Variants in PPP2R2C observed in about 807,000 individuals in gnomAD.
PPP2R2C encodes protein phosphatase 2, regulatory subunit B, gamma.
PPP2R2C carries 10 observed loss-of-function variants against 45.3 expected under a neutral mutation model. That is an observed-to-expected ratio of 0.22 (90% CI 0.14 to 0.37). PPP2R2C has a LOEUF of 0.37. Among genes scored for constraint, PPP2R2C ranks in the 10% least tolerant of loss-of-function variants. The pLI, the probability that PPP2R2C is intolerant of heterozygous loss-of-function variation, is 1.00. For missense variants in PPP2R2C, 308 were observed against 619.7 expected (o/e 0.50, Z 5.34); for synonymous variants, 257 against 245.4 (o/e 1.05, Z -0.44).
At chr4:6,416,653 G>A (rs1023713166) in intron 1 of PPP2R2C, among the ~76,000 whole-genome samples, 1 of 152,296 alleles carries the variant, frequency 6.6e-6, no homozygotes, top group South Asian at 2.1e-4. Context: ...CAGCCACCCC[G>A]ATGCGCTGGC....
intron 2 of PPP2R2C, among the ~76,000 whole-genome samples, chr4:6,497,278 C>T (rs1722910599): frequency 6.6e-6 from 1 of 152,092 alleles, no homozygotes; most frequent in South Asian, 2.1e-4. Flanking sequence ...CGTGCCCTAC[C>T]AGATAGCAAG....
At chr4:6,420,805 A>T in intron 1 of PPP2R2C, 1 of 432,600 alleles carries the variant, frequency 2.3e-6, no homozygotes, top group Non-Finnish European at 3.1e-6. Context: ...CGGCACAGAT[A>T]AGTATTTGAC....
At position 6,332,255 on chromosome 4, in the gene PPP2R2C, T is replaced by C. The variant is rs1434556529; in HGVS notation, c.960+1307A>G. Among the ~76,000 whole-genome samples the C allele has an allele frequency of 2.0e-5, 3 of 152,186 alleles. No homozygotes were observed. Among genetic ancestry groups the C allele is most frequent in the Non-Finnish European group, 4.4e-5 (3 of 68,032 alleles). On this transcript the variant is annotated intron_variant, in intron 7 of 8. Transcript: ENST00000382599. The surrounding 1 kb of genome is among the most constrained non-coding windows in gnomAD (Gnocchi z 4.9). The stretch of plus-strand genomic sequence containing the variant: ...CCAGAGGGAGCCAGAGAGTTGCTCC[T>C]GCAGGCTTGAGCCGGGCTTATCCTG...
rs1733036554 is a variant in PPP2R2C, at chr4:6,337,143, TA to T, written c.791-3413del. Among the ~76,000 whole-genome samples, 13 of 86,496 alleles carry T rather than the reference TA, an allele frequency of 1.5e-4. 1 individual carries two copies. Among genetic ancestry groups the T allele is most frequent in the Admixed American group, 1.2e-3 (10 of 8,440 alleles). The allele number at this position is 86,496 out of a possible 152,430, so 56.7% of individuals were successfully genotyped here. A position where few individuals can be genotyped will look rare whatever the true frequency, so the allele number is the denominator to read the frequency against. On this transcript the variant is annotated intron_variant, in intron 6 of 8. Coordinates refer to ENST00000382599, the MANE Select transcript of PPP2R2C (RefSeq NM_020416.4). The stretch of plus-strand genomic sequence containing the variant: ...ATATATATATATATATATATATATA[TA>T]TATATATATATATATATTTGTAGTT...
intron 1 of PPP2R2C, among the ~76,000 whole-genome samples, chr4:6,392,655 G>A (rs1318109296): frequency 6.6e-6 from 1 of 152,204 alleles, no homozygotes; most frequent in East Asian, 1.9e-4. Flanking sequence ...CATGAGCTCA[G>A]AGCTCAGAGA....
chr4:6,524,213 T>C (rs1724121348), intron 2 of PPP2R2C, among the ~76,000 whole-genome samples: 1 of 152,186 alleles, frequency 6.6e-6, no homozygotes, highest in Non-Finnish European at 1.5e-5. Context: ...TGAGCCACTG[T>C]GCCCAGTCAG....
intron 1 of PPP2R2C, among the ~76,000 whole-genome samples, chr4:6,394,880 C>T (rs112974772): frequency 7.9e-5 from 12 of 152,346 alleles, no homozygotes; most frequent in African/African-American, 2.6e-4. Flanking sequence ...CATCAGCCCC[C>T]TTCCCAGGCC....
intron 2 of PPP2R2C, among the ~76,000 whole-genome samples, chr4:6,512,508 GAT>G: frequency 7.1e-5 from 8 of 113,410 alleles, no homozygotes; most frequent in Admixed American, 3.0e-4. Context: ...TGGTGGTGGT[GAT>G]GTTGGTGGTG....
Position 6,330,944 on chromosome 4 carries a change from G to A in PPP2R2C, c.961-1591C>T, listed in dbSNP as rs986269082. Among the ~76,000 whole-genome samples the A allele has an allele frequency of 6.6e-6, 1 of 152,008 alleles. No individual in the cohort carries two copies. The highest frequency in any genetic ancestry group is 6.5e-5 in the Admixed American group (1 of 15,270). On this transcript the variant is annotated intron_variant, in intron 7 of 8. Coordinates refer to ENST00000382599, the MANE Select transcript of PPP2R2C (RefSeq NM_020416.4). This position sits in a 1 kb window ranked among gnomAD's most constrained non-coding sequence, Gnocchi z 7.0. Reference sequence around the variant, plus strand: ...GGGCTGCAGCCCCACCAAGCTGAGGGTCACTGTGTTCCTGTCTGTCTGGGA... The same window carrying A: ...GGGCTGCAGCCCCACCAAGCTGAGGATCACTGTGTTCCTGTCTGTCTGGGA...
chr4:6,517,387 G>T (rs541467151), intron 2 of PPP2R2C, among the ~76,000 whole-genome samples: 1 of 152,206 alleles, frequency 6.6e-6, no homozygotes, highest in Non-Finnish European at 1.5e-5. Flanking sequence ...ATGTTACCTA[G>T]CCTATCTGAG....
In PPP2R2C at chr4:6,378,430, G is replaced by T; in HGVS notation, c.311C>A (p.Ala104Asp). The change falls in exon 3 of 9, where the codon GCC (alanine) becomes GAC (aspartate). Residue 104 changes from alanine to aspartate, a missense_variant. Coordinates refer to ENST00000382599, the MANE Select transcript of PPP2R2C (RefSeq NM_020416.4). This position sits in a 1 kb window ranked among gnomAD's most constrained non-coding sequence, Gnocchi z 5.2. ...KIKWLPQQNA[A>D]HSLLSTNDKT... Reference sequence around the variant, plus strand: ...ACCGTTGGTGGACAGGAGTGAGTGGGCGGCGTTCTGCTGTGGGAGCCACTT... The same window carrying T: ...ACCGTTGGTGGACAGGAGTGAGTGGTCGGCGTTCTGCTGTGGGAGCCACTT... The T allele has an allele frequency of 6.2e-7, 1 of 1,614,206 alleles. No individual in the cohort carries two copies. The highest frequency in any genetic ancestry group is 8.5e-7 in the Non-Finnish European group (1 of 1,180,044).
At chr4:6,522,989 G>A (rs1439914808) in intron 2 of PPP2R2C, among the ~76,000 whole-genome samples, 1 of 152,258 alleles carries the variant, frequency 6.6e-6, no homozygotes. Flanking sequence ...CAGCCTGGCA[G>A]GGGTGGACCG....
chr4:6,481,852 GC>G (rs1722363129), intron 2 of PPP2R2C, among the ~76,000 whole-genome samples: 1 of 151,920 alleles, frequency 6.6e-6, no homozygotes, highest in Non-Finnish European at 1.5e-5. Context: ...GGTGGCACGT[GC>G]CTGTAGTCCC....
intron 1 of PPP2R2C, among the ~76,000 whole-genome samples, chr4:6,540,041 T>C (rs1287644754): frequency 6.6e-6 from 1 of 152,234 alleles, no homozygotes; most frequent in Non-Finnish European, 1.5e-5. Context: ...CTTTAAAGCA[T>C]ATGCAGTCTT....
At position 6,321,500 on chromosome 4, in the gene PPP2R2C, A is replaced by G. The variant is rs1731550083; in HGVS notation, c.*1802T>C. ...CTTCATTCACGTTGATTAAAAAAAA[A>G]TCAATGATCCATTTCCCTGTGTAAA... On this transcript the variant is annotated 3_prime_UTR_variant, in exon 9 of 9. Transcript: ENST00000382599. The G allele has an allele frequency of 6.6e-6, 1 of 152,530 alleles. No individual in the cohort carries two copies. Among genetic ancestry groups the G allele is most frequent in the South Asian group, 2.1e-4 (1 of 4,832 alleles). 9.4% of individuals were successfully genotyped at this position (152,530 alleles called of 1,614,324 possible). A position where few individuals can be genotyped will look rare whatever the true frequency, so the allele number is the denominator to read the frequency against.
chr4:6,496,982 T>G (rs1577221882), intron 2 of PPP2R2C, among the ~76,000 whole-genome samples: 1 of 152,004 alleles, frequency 6.6e-6, no homozygotes, highest in Non-Finnish European at 1.5e-5. Context: ...GCAGGGCAGG[T>G]ATAAGAGCGT....
intron 1 of PPP2R2C, among the ~76,000 whole-genome samples, chr4:6,389,335 G>T (rs1468180203): frequency 6.6e-6 from 1 of 152,196 alleles, no homozygotes; most frequent in Non-Finnish European, 1.5e-5. Flanking sequence ...ATCACCATAA[G>T]TGCTGCTGAC....
At position 6,472,019 on chromosome 4, in the gene PPP2R2C, G is replaced by A. The variant is rs773451294; in HGVS notation, c.70+141C>T. On this transcript the variant is annotated intron_variant, in intron 1 of 8. Coordinates refer to ENST00000382599, the MANE Select transcript of PPP2R2C (RefSeq NM_020416.4). ...GCAGGGTGGGATGGGATGGGGTGGG[G>A]TGGGGTGGGATGGGGTGGGGTGGGG... is the stretch of plus-strand genomic sequence containing the variant. 3.4e-4 allele frequency: 360 copies of A among 1,052,774 alleles called. No individual in the cohort carries two copies. The African/African-American group carries it at 4.9e-3, about 14-fold the overall frequency. The allele number at this position is 1,052,774 out of a possible 1,614,324, so 65.2% of individuals were successfully genotyped here. A position where few individuals can be genotyped will look rare whatever the true frequency, so the allele number is the denominator to read the frequency against.
chr4:6,443,777 G>A (rs754441467), intron 1 of PPP2R2C, among the ~76,000 whole-genome samples: 38 of 133,658 alleles, frequency 2.8e-4, no homozygotes, highest in Non-Finnish European at 4.3e-4. Flanking sequence ...CCACCCCACC[G>A]CCCCCCCGGA....
Sources: gnomAD v4.1 joint callset for allele counts (sites outside exome capture counted in the v4.1 genomes callset) on GRCh38, gnomAD v4.1.1 for gene constraint, Gnocchi (gnomAD v3.1) non-coding constraint, MANE v1.5 for transcripts, NCBI Gene and HGNC (gene_info 2026-07-23, HGNC 2026-07-21) for gene names.